The following CTTNBP2NL variants were observed in gnomAD, a reference collection of about 807,000 sequenced individuals.
CTTNBP2NL encodes CTTNBP2 N-terminal-like protein.
CTTNBP2NL carries 16 observed loss-of-function variants against 32.5 expected under a neutral mutation model. The ratio of observed to expected loss-of-function variants is 0.49; its 90% CI spans 0.33 to 0.75. CTTNBP2NL has a LOEUF of 0.75. Ranked by LOEUF, CTTNBP2NL falls within the 30% of genes least tolerant of loss-of-function variation. The pLI is 0.02. For missense variants in CTTNBP2NL, 645 were observed against 756.0 expected (o/e 0.85, Z 1.72); for synonymous variants, 298 against 289.4 (o/e 1.03, Z -0.30).
intron 4 of CTTNBP2NL, among the ~76,000 whole-genome samples, chr1:112,449,428 T>TCTG (rs1650156041): frequency 2.1e-5 from 3 of 145,174 alleles, no homozygotes; most frequent in Middle Eastern, 3.5e-3. Context: ...CAAAACACTT[T>TCTG]GTATGTTTTT....
intron 3 of CTTNBP2NL, among the ~76,000 whole-genome samples, chr1:112,424,290 T>C (rs1649325504): frequency 6.6e-6 from 1 of 152,200 alleles, no homozygotes; most frequent in Non-Finnish European, 1.5e-5. Flanking sequence ...AGATTATCCT[T>C]CCTCTTTAGA....
intron 3 of CTTNBP2NL, among the ~76,000 whole-genome samples, chr1:112,433,255 G>GTGTGTGTGTGTGTGGGT (rs1553225724): frequency 6.6e-6 from 1 of 151,312 alleles, no homozygotes; most frequent in Non-Finnish European, 1.5e-5. Context: ...TTTGTGTGGG[G>GTGTGTGTGTGTGTGGGT]GTGTGTGTGT....
At chr1:112,446,047 T>C (rs1650025900) in intron 3 of CTTNBP2NL, among the ~76,000 whole-genome samples, 1 of 152,218 alleles carries the variant, frequency 6.6e-6, no homozygotes, top group African/African-American at 2.4e-5. Context: ...TAGTTATTCC[T>C]TTACCATCAC....
Position 112,457,054 on chromosome 1 carries a change from C to T in CTTNBP2NL, c.1562C>T (p.Pro521Leu). 1 of 1,614,198 alleles carries T rather than the reference C, an allele frequency of 6.2e-7. No homozygotes were observed. Among genetic ancestry groups the T allele is most frequent in the East Asian group, 2.2e-5 (1 of 44,880 alleles). Reference sequence around the variant, plus strand: ...ACTAGCCAACAAGGGCCAATCAAGCCAGTCTCTCCCAACAGCTCTCCCTTT... The same window carrying T: ...ACTAGCCAACAAGGGCCAATCAAGCTAGTCTCTCCCAACAGCTCTCCCTTT... ...RFTSQQGPIKPVSPNSSPFGT... is the reference protein window; with the variant it reads ...RFTSQQGPIKLVSPNSSPFGT... Residue 521 changes from proline to leucine, a missense_variant, in exon 6 of 6, where the codon CCA becomes CTA. Pro to Leu is a moderately conservative substitution (Grantham distance 98). Coordinates refer to ENST00000271277, the MANE Select transcript of CTTNBP2NL (RefSeq NM_018704.3).
At chr1:112,428,447 T>C (rs1367095966) in intron 3 of CTTNBP2NL, among the ~76,000 whole-genome samples, 1 of 152,184 alleles carries the variant, frequency 6.6e-6, no homozygotes, top group East Asian at 1.9e-4. Context: ...ATTAAGTTAA[T>C]ATTATTTCTT....
chr1:112,453,350 C>T (rs1650276585), intron 4 of CTTNBP2NL, among the ~76,000 whole-genome samples: 1 of 152,138 alleles, frequency 6.6e-6, no homozygotes, highest in African/African-American at 2.4e-5. Flanking sequence ...CAAGAGTGCT[C>T]TACCCTGGAG....
intron 3 of CTTNBP2NL, among the ~76,000 whole-genome samples, chr1:112,448,243 G>A (rs537626518): frequency 1.3e-5 from 2 of 152,294 alleles, no homozygotes; most frequent in East Asian, 3.9e-4. Context: ...TTTGGCAGCA[G>A]GTGGAAGAGG....
At chr1:112,426,389 T>G (rs2101011587) in intron 3 of CTTNBP2NL, among the ~76,000 whole-genome samples, 1 of 152,166 alleles carries the variant, frequency 6.6e-6, no homozygotes, top group Middle Eastern at 3.4e-3. Context: ...ATTCTGTAAT[T>G]TAATTTTTAA....
At chr1:112,452,161 TC>T (rs1650239128) in intron 4 of CTTNBP2NL, among the ~76,000 whole-genome samples, 1 of 152,016 alleles carries the variant, frequency 6.6e-6, no homozygotes, top group South Asian at 2.1e-4. Context: ...AAATTTTTTT[TC>T]TTTCATTTAT....
chr1:112,429,641 T>C (rs1490437761), intron 3 of CTTNBP2NL, among the ~76,000 whole-genome samples: 1 of 152,192 alleles, frequency 6.6e-6, no homozygotes, highest in Non-Finnish European at 1.5e-5. Context: ...CAATGAAGTA[T>C]ATGTGTAAAG....
At chr1:112,436,100 T>C (rs1649721782) in intron 3 of CTTNBP2NL, among the ~76,000 whole-genome samples, 1 of 150,252 alleles carries the variant, frequency 6.7e-6, no homozygotes, top group African/African-American at 2.5e-5. Flanking sequence ...TTATTGTTGC[T>C]TGTTTGTTTG....
intron 3 of CTTNBP2NL, among the ~76,000 whole-genome samples, chr1:112,439,362 A>G (rs1649830258): frequency 6.6e-6 from 1 of 152,190 alleles, no homozygotes; most frequent in African/African-American, 2.4e-5. Context: ...CCCTCTTCCC[A>G]GGACCTCACT....
At chr1:112,410,604 GT>G (rs547994559) in intron 1 of CTTNBP2NL, among the ~76,000 whole-genome samples, 131 of 152,254 alleles carry the variant, frequency 8.6e-4, no homozygotes, top group African/African-American at 2.9e-3. Flanking sequence ...TCTACAAGTG[GT>G]TTTTATTTCA....
chr1:112,440,571 G>A (rs1338556563), intron 3 of CTTNBP2NL, among the ~76,000 whole-genome samples: 1 of 152,150 alleles, frequency 6.6e-6, no homozygotes, highest in East Asian at 1.9e-4. Context: ...CTAACATTCA[G>A]TGCTCTGCAG....
chr1:112,457,083 A>G lies in CTTNBP2NL; in HGVS notation c.1591A>G (p.Thr531Ala). The G allele has an allele frequency of 3.7e-6, 6 of 1,614,194 alleles. No homozygotes were observed. Among genetic ancestry groups the G allele is most frequent in the Non-Finnish European group, 4.2e-6 (5 of 1,180,038 alleles). The change falls in exon 6 of 6, where the codon ACA becomes GCA. Residue 531 changes from threonine to alanine, a missense_variant. Transcript: ENST00000271277. ...PVSPNSSPFGTDYRNLANTAN... is the reference protein window; with the variant it reads ...PVSPNSSPFGADYRNLANTAN... ...CTCTCCCAACAGCTCTCCCTTTGGCACAGACTATCGAAATCTAGCCAACAC... is the reference window on the plus strand; with the variant it reads ...CTCTCCCAACAGCTCTCCCTTTGGCGCAGACTATCGAAATCTAGCCAACAC...
chr1:112,426,003 GTCTGTC>G (rs1467865732), intron 3 of CTTNBP2NL, among the ~76,000 whole-genome samples: 4 of 57,476 alleles, frequency 7.0e-5, no homozygotes, highest in African/African-American at 1.7e-4. Context: ...GTGTGTGTGT[GTCTGTC>G]TGTCTTACTA....
intron 3 of CTTNBP2NL, among the ~76,000 whole-genome samples, chr1:112,434,909 G>A (rs756094387): frequency 1.2e-4 from 18 of 152,064 alleles, no homozygotes; most frequent in African/African-American, 3.1e-4. Flanking sequence ...TTGGGAGGCC[G>A]AGGCGGGTGG....
At chr1:112,443,969 C>T (rs1649967778) in intron 3 of CTTNBP2NL, among the ~76,000 whole-genome samples, 1 of 152,198 alleles carries the variant, frequency 6.6e-6, no homozygotes, top group African/African-American at 2.4e-5. Context: ...TTCCTTTTAA[C>T]ATGCTTTTGG....
In CTTNBP2NL at chr1:112,457,315, C is replaced by G; in HGVS notation, c.1823C>G (p.Ser608Cys). The stretch of plus-strand genomic sequence containing the variant: ...ACCAAAACTCATTCCCAGGCAGCCT[C>G]TTTGACCACTGCAGAAGACCTTGCC... ...PLTKTHSQAA[S>C]LTTAEDLASS... Residue 608 changes from serine to cysteine, a missense_variant, in exon 6 of 6, where the codon TCT becomes TGT. Coordinates refer to ENST00000271277, the MANE Select transcript of CTTNBP2NL (RefSeq NM_018704.3). The G allele has an allele frequency of 1.2e-6, 2 of 1,614,204 alleles. No homozygotes were observed. Among genetic ancestry groups the G allele is most frequent in the Non-Finnish European group, 1.7e-6 (2 of 1,180,014 alleles).
Sources: allele counts gnomAD v4.1 joint callset (sites outside exome capture counted in the v4.1 genomes callset), GRCh38; gene constraint gnomAD v4.1.1; transcripts MANE v1.5; gene names NCBI Gene and HGNC (gene_info 2026-07-23, HGNC 2026-07-21).